JAK1: variants seen among roughly 807,000 people sequenced by gnomAD.
JAK1 encodes the protein tyrosine-protein kinase JAK1.
A neutral mutation model predicts 136.6 loss-of-function variants in JAK1; 16 were observed. The ratio of observed to expected loss-of-function variants is 0.12; its 90% CI spans 0.08 to 0.18. JAK1 has a LOEUF of 0.18. Ranked by LOEUF, JAK1 falls within the 10% of genes least tolerant of loss-of-function variation. JAK1 has a pLI of 1.00. For missense variants in JAK1, 859 were observed against 1,450.1 expected (o/e 0.59, Z 6.62); for synonymous variants, 492 against 519.5 (o/e 0.95, Z 0.72).
At chr1:64,852,879 A>C (rs1353488180) in intron 11 of JAK1, among the ~76,000 whole-genome samples, 1 of 152,156 alleles carries the variant, frequency 6.6e-6, no homozygotes. Context: ...GACTGGCATT[A>C]CATCTTAGTC....
chr1:64,864,963 C>A lies in JAK1; in HGVS notation c.1000G>T (p.Val334Phe). 1 of 1,611,084 alleles carries A rather than the reference C, an allele frequency of 6.2e-7. No homozygotes were observed. Among genetic ancestry groups the A allele is most frequent in the Non-Finnish European group, 8.5e-7 (1 of 1,178,196 alleles). Residue 334 changes from valine (V) to phenylalanine (F), a missense_variant, in exon 8 of 25, where the codon GTT becomes TTT. By Grantham distance (50) the Val-to-Phe change is conservative. This residue lies in a region of JAK1 where 353 missense variants were observed against 494.0 expected (regional missense o/e 0.71). Coordinates refer to ENST00000342505, the MANE Select transcript of JAK1 (RefSeq NM_002227.4). Reference sequence around the variant, plus strand: ...TTCAGTTTATTTTTTTCCTTTTCAACAGAAACAACCTGATAAGATACATAA... The same window carrying A: ...TTCAGTTTATTTTTTTCCTTTTCAAAAGAAACAACCTGATAAGATACATAA... ...QWRHKPNVVS[V>F]EKEKNKLKRK...
At chr1:64,927,613 A>C (rs1645604002) in intron 1 of JAK1, among the ~76,000 whole-genome samples, 1 of 152,212 alleles carries the variant, frequency 6.6e-6, no homozygotes, top group African/African-American at 2.4e-5. Flanking sequence ...TGAATTAATA[A>C]ATGAATGAAC....
intron 1 of JAK1, among the ~76,000 whole-genome samples, chr1:64,950,108 A>G (rs1208323469): frequency 6.6e-6 from 1 of 152,052 alleles, no homozygotes; most frequent in Non-Finnish European, 1.5e-5. Flanking sequence ...TTCGTGTAGG[A>G]GTAAAAAATG....
intron 2 of JAK1, among the ~76,000 whole-genome samples, chr1:65,038,649 T>C (rs1322498807): frequency 6.6e-6 from 1 of 152,114 alleles, no homozygotes; most frequent in Non-Finnish European, 1.5e-5. Context: ...TCTTTGTTTG[T>C]TTGTTTTGAG....
At chr1:64,985,163 C>A in intron 2 of JAK1, 1 of 1,383,684 alleles carries the variant, frequency 7.2e-7, no homozygotes, top group Non-Finnish European at 1.0e-6. Flanking sequence ...TAACCACACC[C>A]ACACCAATGG....
At chr1:65,064,194 A>G (rs181359656) in intron 1 of JAK1, among the ~76,000 whole-genome samples, 238 of 152,370 alleles carry the variant, frequency 1.6e-3, no homozygotes, top group Non-Finnish European at 2.8e-3. Context: ...CCAAATATAA[A>G]TAAGCTTTCC....
At chr1:64,992,157 A>G (rs1369490973) in intron 2 of JAK1, 12 of 152,132 alleles carry the variant, frequency 7.9e-5, no homozygotes, top group Admixed American at 7.9e-4. Context: ...AGGCGGGCGT[A>G]TCCCCTGAGG....
At chr1:64,868,207 T>C (rs1050196435) in intron 6 of JAK1, among the ~76,000 whole-genome samples, 1 of 152,200 alleles carries the variant, frequency 6.6e-6, no homozygotes, top group African/African-American at 2.4e-5. Context: ...AACAAGCTGA[T>C]ATACTGCTAG....
intron 5 of JAK1, among the ~76,000 whole-genome samples, chr1:64,870,574 G>A (rs769387724): frequency 6.6e-5 from 10 of 152,086 alleles, no homozygotes; most frequent in African/African-American, 1.4e-4. Flanking sequence ...GTTCAATGCC[G>A]TGCTACAGCC....
rs1369560214 is a variant in JAK1 at position 64,966,514 on chromosome 1, T to C, written c.-259A>G. 1 of 149,838 alleles carries C rather than the reference T, an allele frequency of 6.7e-6. No individual in the cohort carries two copies. Among genetic ancestry groups the C allele is most frequent in the Non-Finnish European group, 1.5e-5 (1 of 67,276 alleles). The allele number at this position is 149,838 out of a possible 1,614,324, so 9.3% of individuals were successfully genotyped here. A position where few individuals can be genotyped will look rare whatever the true frequency, so the allele number is the denominator to read the frequency against. ...GCCCGCACTGTCTGCAGCTCCAGGA[T>C]ACTCCGCGGCCGCCGCGGCCTGCGC... On this transcript the variant is annotated 5_prime_UTR_variant, in exon 1 of 25. Coordinates refer to ENST00000342505, the MANE Select transcript of JAK1 (RefSeq NM_002227.4).
chr1:64,960,455 AAAAAACAAAACAAGGCT>A (rs1646262669), intron 1 of JAK1, among the ~76,000 whole-genome samples: 1 of 152,208 alleles, frequency 6.6e-6, no homozygotes, highest in Non-Finnish European at 1.5e-5. Context: ...TATCAGAATC[AAAAAACAAAACAAGGCT>A]AAAAGACAAT....
chr1:64,977,089 T>C (rs1402907739), intron 2 of JAK1, among the ~76,000 whole-genome samples: 2 of 152,212 alleles, frequency 1.3e-5, no homozygotes, highest in East Asian at 3.8e-4. Context: ...TACAGATACA[T>C]AGAAACTTAT....
chr1:64,847,746 C>T, intron 12 of JAK1, 71 bp from the exon 13 acceptor site: 1 of 1,538,370 alleles, frequency 6.5e-7, no homozygotes, highest in Non-Finnish European at 8.9e-7. Flanking sequence ...GGAATGGGTC[C>T]TCAATGGGAA....
intron 1 of JAK1, among the ~76,000 whole-genome samples, chr1:64,932,239 CCT>C (rs1421348817): frequency 1.3e-5 from 2 of 152,016 alleles, no homozygotes; most frequent in Non-Finnish European, 2.9e-5. Context: ...ATGGCGAAAC[CCT>C]GTCTCTACTA....
chr1:64,973,765 GGT>G (rs1646474558), intron 2 of JAK1: 1 of 152,026 alleles, frequency 6.6e-6, no homozygotes, highest in African/African-American at 2.4e-5. Context: ...TCTAAGGTGG[GGT>G]GTGATTAGAC....
chr1:64,984,103 A>G lies in JAK1; in HGVS notation c.-78+60377T>C, dbSNP rs1646575744. Among the ~76,000 whole-genome samples the G allele has an allele frequency of 2.0e-5, 3 of 152,234 alleles. No homozygotes were observed. In the South Asian group the frequency reaches 6.2e-4, roughly 31 times the overall value. On this transcript the variant is annotated intron_variant, in intron 2 of 25. Transcript: ENST00000671954. The surrounding 1 kb of genome is among the most constrained non-coding windows in gnomAD (Gnocchi z 4.1). ...TATGTTTTCATTATTTGGCAAAATT[A>G]CACTTAAAACATAATATTTATGTAA...
In JAK1 at chr1:64,846,745, G is replaced by A. The variant is rs199938293; in HGVS notation, c.1900-9C>T. On this transcript the variant is annotated splice_polypyrimidine_tract_variant and intron_variant, in intron 13 of 24. Coordinates refer to ENST00000342505, the MANE Select transcript of JAK1 (RefSeq NM_002227.4). ...GCTGCCTCGAAGAAGGCCTGTGGGC[G>A]AGCAGGACATAGGAATGTCTCAGGC... is the stretch of plus-strand genomic sequence containing the variant. The A allele has an allele frequency of 9.8e-5, 158 of 1,611,030 alleles. No individual in the cohort carries two copies. Among genetic ancestry groups the A allele is most frequent in the Middle Eastern group, 1.7e-4 (1 of 6,060 alleles).
At chr1:65,021,657 A>G (rs1338517) in intron 2 of JAK1, among the ~76,000 whole-genome samples, 9,758 of 152,174 alleles carry the variant, frequency 0.064, 431 homozygotes, top group Admixed American at 0.15. Flanking sequence ...CTCCCTGTCT[A>G]TCCCCGCTAG....
At chr1:65,008,692 TCTC>T (rs949709774) in intron 2 of JAK1, among the ~76,000 whole-genome samples, 2 of 151,424 alleles carry the variant, frequency 1.3e-5, no homozygotes, top group African/African-American at 2.4e-5. Flanking sequence ...TCTTTCTCCT[TCTC>T]CTTCTTTTTT....
Sources: allele counts gnomAD v4.1 joint callset (sites outside exome capture counted in the v4.1 genomes callset), GRCh38; gene constraint gnomAD v4.1.1; regional missense constraint gnomAD v4.1.1; non-coding constraint Gnocchi (gnomAD v3.1); transcripts MANE v1.5; gene names NCBI Gene and HGNC (gene_info 2026-07-23, HGNC 2026-07-21).